Variants in SIPA1 observed in about 807,000 individuals in gnomAD.
SIPA1 encodes signal-induced proliferation-associated 1.
SIPA1 carries 51 observed loss-of-function variants against 88.1 expected under a neutral mutation model. That is an observed-to-expected ratio of 0.58 (90% CI 0.46 to 0.73). The LOEUF is 0.73. Among genes scored for constraint, SIPA1 ranks in the 30% least tolerant of loss-of-function variants. The pLI is 0.00. For missense variants in SIPA1, 1,348 were observed against 1,467.6 expected (o/e 0.92, Z 1.33); for synonymous variants, 681 against 664.8 (o/e 1.02, Z -0.37).
intron 1 of SIPA1, 103 bp downstream of exon 1, chr11:65,638,285 G>C (rs1324839236): frequency 6.6e-6 from 1 of 152,402 alleles, no homozygotes; most frequent in Non-Finnish European, 1.5e-5. Flanking sequence ...TGGGGTCCTC[G>C]CCACGTTCGC....
chr11:65,642,417 C>G lies in SIPA1; in HGVS notation c.807+40C>G. 6.3e-7 allele frequency: 1 copy of G among 1,597,138 alleles called. No homozygotes were observed. Among genetic ancestry groups the G allele is most frequent in the African/African-American group, 1.3e-5 (1 of 74,456 alleles). ...CGGGATCAGGACGTGGGTTGCCTCCCCGACACCTTGTATGCATCCTGAGTG... is the reference window on the plus strand; with the variant it reads ...CGGGATCAGGACGTGGGTTGCCTCCGCGACACCTTGTATGCATCCTGAGTG... On this transcript the variant is annotated intron_variant, in intron 3 of 15. Coordinates refer to ENST00000534313, the MANE Select transcript of SIPA1 (RefSeq NM_006747.4). This position sits in a 1 kb window ranked among gnomAD's most constrained non-coding sequence, Gnocchi z 6.5.
rs965905427 is a variant in SIPA1, at chr11:65,649,276, T to C, written c.2321T>C (p.Leu774Pro). Residue 774 changes from leucine to proline, a missense_variant, in exon 10 of 16, where the codon CTG (leucine) becomes CCG (proline). Physicochemically the swap from Leu to Pro is moderately conservative, Grantham distance 98. Coordinates refer to ENST00000534313, the MANE Select transcript of SIPA1 (RefSeq NM_006747.4). ...SGRPRRSFSELYTLSLQEPSR... is the reference protein window; with the variant it reads ...SGRPRRSFSEPYTLSLQEPSR... ...CCACCCCACAGGAGTTTTTCGGAGCTGTACACGCTGTCGCTGCAGGAGCCT... is the reference window on the plus strand; with the variant it reads ...CCACCCCACAGGAGTTTTTCGGAGCCGTACACGCTGTCGCTGCAGGAGCCT... 6.5e-6 allele frequency: 10 copies of C among 1,534,926 alleles called. No individual in the cohort carries two copies. Among genetic ancestry groups the C allele is most frequent in the Non-Finnish European group, 8.8e-6 (10 of 1,135,782 alleles).
Position 65,647,070 on chromosome 11 carries a change from G to C in SIPA1, c.2031+5G>C, listed in dbSNP as rs1006389423. On this transcript the variant is annotated splice_donor_5th_base_variant and intron_variant, in intron 8 of 15. Transcript: ENST00000534313. Reference sequence around the variant, plus strand: ...GAGGTGGTGGCGCGCCTGCAGGTGAGCTGGAGTGGTAAACTGGGGCCCCTG... The same window carrying C: ...GAGGTGGTGGCGCGCCTGCAGGTGACCTGGAGTGGTAAACTGGGGCCCCTG... 1.3e-6 allele frequency: 2 copies of C among 1,526,850 alleles called. No individual in the cohort carries two copies. The highest frequency in any genetic ancestry group is 2.8e-5 in the African/African-American group (2 of 72,400). 94.6% of individuals were successfully genotyped at this position (1,526,850 alleles called of 1,614,324 possible).
intron 9 of SIPA1, among the ~76,000 whole-genome samples, chr11:65,647,905 C>T (rs1322167432): frequency 6.7e-6 from 1 of 149,890 alleles, no homozygotes; most frequent in African/African-American, 2.5e-5. Flanking sequence ...AAGTATCCCT[C>T]TTGTTGCCCG....
chr11:65,647,290 AGTTCCGTGT>A, intron 8 of SIPA1, 85 bp from the exon 9 acceptor site: 1 of 1,371,148 alleles, frequency 7.3e-7, no homozygotes, highest in Non-Finnish European at 9.4e-7. Flanking sequence ...GACTGTGGAA[AGTTCCGTGT>A]GGCCTGGGAC....
intron 9 of SIPA1, among the ~76,000 whole-genome samples, chr11:65,648,805 C>T (rs1352573284): frequency 6.6e-6 from 1 of 150,942 alleles, no homozygotes. Flanking sequence ...CATTGCACTC[C>T]AGCCTGGGCA....
rs1856026374 is a variant in SIPA1, at chr11:65,642,510, G to A, written c.855G>A (p.Gly285=). Residue 285 remains glycine, a synonymous_variant, in exon 4 of 16, where the codon GGG becomes GGA. Coordinates refer to ENST00000534313, the MANE Select transcript of SIPA1 (RefSeq NM_006747.4). This position sits in a 1 kb window ranked among gnomAD's most constrained non-coding sequence, Gnocchi z 6.5. ...TCTCGGAGGACGCGCTGCCGCCGGG[G>A]CCCCCACGGGGTCTGTCCCCAAGGA... is the stretch of plus-strand genomic sequence containing the variant. ...GTISEDALPP[G]PPRGLSPRKL... 1 of 1,609,750 alleles carries A rather than the reference G, an allele frequency of 6.2e-7. No individual in the cohort carries two copies. Among genetic ancestry groups the A allele is most frequent in the Middle Eastern group, 1.7e-4 (1 of 6,058 alleles).
intron 1 of SIPA1, among the ~76,000 whole-genome samples, chr11:65,638,811 G>T (rs1050039203): frequency 6.6e-6 from 1 of 152,246 alleles, no homozygotes; most frequent in African/African-American, 2.4e-5. Flanking sequence ...CAGCGCCAGA[G>T]CCTGGCACTG....
intron 1 of SIPA1, chr11:65,640,429 G>C (rs575734585): frequency 6.4e-6 from 1 of 156,788 alleles, no homozygotes; most frequent in South Asian, 2.0e-4. Context: ...TTGTTAAGTG[G>C]GCAGGACCCA....
Position 65,642,341 on chromosome 11 carries a change from C to A in SIPA1, c.771C>A (p.Thr257=). 1 of 1,562,936 alleles carries A rather than the reference C, an allele frequency of 6.4e-7. No individual in the cohort carries two copies. Among genetic ancestry groups the A allele is most frequent in the Non-Finnish European group, 8.7e-7 (1 of 1,154,854 alleles). The change falls in exon 3 of 16, where the codon ACC becomes ACA. Residue 257 remains threonine, a synonymous_variant. Transcript: ENST00000534313. The surrounding 1 kb of genome is among the most constrained non-coding windows in gnomAD (Gnocchi z 6.5). ...AGAAGGAGGGCAGCGGAGGGGGCACCCTGCACAGCTACCGCGTCATCGTGC... is the reference window on the plus strand; with the variant it reads ...AGAAGGAGGGCAGCGGAGGGGGCACACTGCACAGCTACCGCGTCATCGTGC... ...REEKEGSGGG[T]LHSYRVIVRT... is the part of the protein sequence containing the mutation.
chr11:65,649,906 T>G, intron 12 of SIPA1, 41 bp downstream of exon 12: 2 of 1,612,572 alleles, frequency 1.2e-6, no homozygotes, highest in Non-Finnish European at 1.7e-6. Context: ...GGTTGGGGGG[T>G]GCTCCTGGGC....
chr11:65,644,803 C>A, intron 4 of SIPA1, 152 bp from the exon 5 acceptor site: 2 of 729,508 alleles, frequency 2.7e-6, no homozygotes, highest in Non-Finnish European at 2.3e-6. Context: ...ACGAGGAGCA[C>A]AACAGACTGT....
chr11:65,650,797 G>C lies in SIPA1; in HGVS notation c.*82G>C. On this transcript the variant is annotated 3_prime_UTR_variant, in exon 16 of 16. Coordinates refer to ENST00000534313, the MANE Select transcript of SIPA1 (RefSeq NM_006747.4). ...AGGAACTCTCCCTGCGCAGAGGCGT[G>C]TCTTAGCACTGCCCCCCTCCCTAGC... The C allele has an allele frequency of 7.2e-7, 1 of 1,383,412 alleles. No individual in the cohort carries two copies. 85.7% of individuals were successfully genotyped at this position (1,383,412 alleles called of 1,614,324 possible). A position where few individuals can be genotyped will look rare whatever the true frequency, so the allele number is the denominator to read the frequency against.
chr11:65,647,438 G>T lies in SIPA1; in HGVS notation c.2086G>T (p.Gly696Cys). ...GCTGGCGCTGCCCCGCGACGGTCAA[G>T]GCCGCCTGGGCTTCGAGGTGGACGC... ...RELALPRDGQ[G>C]RLGFEVDAEG... The change falls in exon 9 of 16, where the codon GGC becomes TGC. Residue 696 changes from glycine to cysteine, a missense_variant. Around this residue, in one of 4 missense-constraint regions of SIPA1, gnomAD observed 615 missense variants for 559.8 expected, o/e 1.10. Transcript: ENST00000534313. The T allele has an allele frequency of 6.8e-7, 1 of 1,480,784 alleles. No homozygotes were observed. Among genetic ancestry groups the T allele is most frequent in the Non-Finnish European group, 8.9e-7 (1 of 1,123,624 alleles). 91.7% of individuals were successfully genotyped at this position (1,480,784 alleles called of 1,614,324 possible). A position where few individuals can be genotyped will look rare whatever the true frequency, so the allele number is the denominator to read the frequency against.
chr11:65,642,181 C>T lies in SIPA1; in HGVS notation c.680-69C>T, dbSNP rs946470986. 1 of 1,527,396 alleles carries T rather than the reference C, an allele frequency of 6.5e-7. No individual in the cohort carries two copies. The highest frequency in any genetic ancestry group is 8.8e-7 in the Non-Finnish European group (1 of 1,138,822). 94.6% of individuals were successfully genotyped at this position (1,527,396 alleles called of 1,614,324 possible). ...AAGCCTAGGGCGGGGCTTAGTGATG[C>T]GCGTGGTCGAGCGGGGGCGGGGCTG... On this transcript the variant is annotated intron_variant, in intron 2 of 15. Transcript: ENST00000534313. The surrounding 1 kb of genome is among the most constrained non-coding windows in gnomAD (Gnocchi z 6.5).
Position 65,647,483 on chromosome 11 carries a change from G to A in SIPA1, c.2131G>A (p.Val711Met), listed in dbSNP as rs942275221. Residue 711 changes from valine to methionine, a missense_variant, in exon 9 of 16, where the codon GTG (valine) becomes ATG (methionine). By Grantham distance (21) the Val-to-Met change is conservative. This residue lies in a region of SIPA1 where 615 missense variants were observed against 559.8 expected (regional missense o/e 1.10). Coordinates refer to ENST00000534313, the MANE Select transcript of SIPA1 (RefSeq NM_006747.4). ...GGACGCCGAGGGATTCGTCACGCAC[G>A]TGGAGCGCTTCACATTCGCCGAGAC... ...EVDAEGFVTH[V>M]ERFTFAETAG... 6.9e-7 allele frequency: 1 copy of A among 1,457,616 alleles called. No individual in the cohort carries two copies. The highest frequency in any genetic ancestry group is 1.5e-5 in the African/African-American group (1 of 67,010). The allele number at this position is 1,457,616 out of a possible 1,614,324, so 90.3% of individuals were successfully genotyped here.
chr11:65,648,081 C>T (rs1392355737), intron 9 of SIPA1, among the ~76,000 whole-genome samples: 1 of 152,084 alleles, frequency 6.6e-6, no homozygotes. Context: ...CCAAGTTGGC[C>T]AGGCTGGTCT....
chr11:65,645,279 G>A, intron 5 of SIPA1, 150 bp downstream of exon 5: 3 of 768,450 alleles, frequency 3.9e-6, no homozygotes, highest in Non-Finnish European at 6.2e-6. Context: ...GGCTATGAGG[G>A]CCAAGCTATG....
In SIPA1 at chr11:65,646,450, C is replaced by T. The variant is rs933870357; in HGVS notation, c.1422-6C>T. Reference sequence around the variant, plus strand: ...CCGCCCCTCACTAACGCCTCCCTCCCCGCAGGGTGGCCGTGAGCCGCACCC... The same window carrying T: ...CCGCCCCTCACTAACGCCTCCCTCCTCGCAGGGTGGCCGTGAGCCGCACCC... On this transcript the variant is annotated splice_region_variant and splice_polypyrimidine_tract_variant and intron_variant, in intron 7 of 15. Transcript: ENST00000534313. This position sits in a 1 kb window ranked among gnomAD's most constrained non-coding sequence, Gnocchi z 7.5. The T allele has an allele frequency of 6.3e-7, 1 of 1,588,654 alleles. No individual in the cohort carries two copies. Among genetic ancestry groups the T allele is most frequent in the African/African-American group, 1.3e-5 (1 of 74,638 alleles).
Sources: gnomAD v4.1 joint callset for allele counts (sites outside exome capture counted in the v4.1 genomes callset) on GRCh38, gnomAD v4.1.1 for gene constraint, gnomAD v4.1.1 regional missense constraint, Gnocchi (gnomAD v3.1) non-coding constraint, MANE v1.5 for transcripts, NCBI Gene and HGNC (gene_info 2026-07-23, HGNC 2026-07-21) for gene names.